The following XIRP2 variants were observed in gnomAD, a reference collection of about 807,000 sequenced individuals.
XIRP2 encodes xin actin binding repeat containing 2.
In XIRP2, 236 loss-of-function variants were observed where a neutral mutation model predicts 277.0. The observed-to-expected ratio is 0.85, with a 90% confidence interval of 0.77 to 0.95. The LOEUF (loss-of-function observed/expected upper bound fraction) is 0.95. XIRP2 is among the 40% of genes least tolerant of loss of function. XIRP2 has a pLI of 0.00. For missense variants in XIRP2, 4,640 were observed against 4,157.5 expected, an observed-to-expected ratio of 1.12 and a Z score of -3.19; for synonymous variants, 1,490 against 1,416.5, an observed-to-expected ratio of 1.05 and a Z score of -1.17.
At chr2:166,979,146 C>A (rs1188625468) in intron 2 of XIRP2, among the ~76,000 whole-genome samples, 1 of 151,988 alleles carries the variant, frequency 6.6e-6, no homozygotes, top group Admixed American at 6.6e-5. Context: ...TTTCATGGAA[C>A]ATGGTTCATA....
At chr2:166,910,943 T>C (rs531428650) in intron 2 of XIRP2, among the ~76,000 whole-genome samples, 3 of 152,378 alleles carry the variant, frequency 2.0e-5, no homozygotes, top group African/African-American at 7.2e-5. Context: ...TTCTTAATCC[T>C]GAGCTCTAGT....
chr2:166,900,308 A>T (rs148889793), intron 1 of XIRP2, among the ~76,000 whole-genome samples: 1 of 151,926 alleles, frequency 6.6e-6, no homozygotes, highest in African/African-American at 2.4e-5. Context: ...TTTCTACCTC[A>T]ATTCTAGAAT....
At chr2:166,961,824 T>G (rs1574117606) in intron 2 of XIRP2, among the ~76,000 whole-genome samples, 1 of 151,886 alleles carries the variant, frequency 6.6e-6, no homozygotes, top group East Asian at 1.9e-4. Flanking sequence ...ACTTTTTTTT[T>G]GGATTTGTTA....
intron 2 of XIRP2, among the ~76,000 whole-genome samples, chr2:167,051,423 G>A (rs781529462): frequency 6.6e-6 from 1 of 152,000 alleles, no homozygotes; most frequent in Non-Finnish European, 1.5e-5. Context: ...GATAGCTAAA[G>A]CAATTAAAAT....
chr2:167,066,147 T>C (rs1689298814), intron 2 of XIRP2, among the ~76,000 whole-genome samples: 1 of 151,950 alleles, frequency 6.6e-6, no homozygotes, highest in Non-Finnish European at 1.5e-5. Context: ...TATTGTAAAG[T>C]ATAGACACTA....
chr2:167,095,923 G>A lies in XIRP2; in HGVS notation c.409-39986G>A, dbSNP rs528444855. 6.9e-5 allele frequency among the ~76,000 whole-genome samples: 9 copies of A among 129,754 alleles called. No homozygotes were observed. In the East Asian group the frequency reaches 2.0e-3, roughly 29 times the overall value. The allele number at this position is 129,754 out of a possible 152,430, so 85.1% of individuals were successfully genotyped here. ...GAGTCTCGCTCTGTTGCCCAGGCTG[G>A]AGTGTAGTGGCATGATCTTGGCTCA... is the stretch of plus-strand genomic sequence containing the variant. On this transcript the variant is annotated intron_variant, in intron 2 of 10. Coordinates refer to ENST00000409195, the MANE Select transcript of XIRP2 (RefSeq NM_152381.6).
intron 3 of XIRP2, among the ~76,000 whole-genome samples, chr2:167,144,185 A>T (rs1179187054): frequency 6.6e-6 from 1 of 152,174 alleles, no homozygotes; most frequent in Non-Finnish European, 1.5e-5. Flanking sequence ...ACAGATAATA[A>T]TAACACATAA....
chr2:166,898,333 G>A (rs540532091), intron 1 of XIRP2, among the ~76,000 whole-genome samples: 9 of 152,106 alleles, frequency 5.9e-5, no homozygotes, highest in Non-Finnish European at 1.3e-4. Flanking sequence ...CAGGTATGTT[G>A]CTGATTCATA....
chr2:166,958,212 C>T (rs1315353532), intron 2 of XIRP2, among the ~76,000 whole-genome samples: 4 of 151,806 alleles, frequency 2.6e-5, no homozygotes, highest in Admixed American at 1.3e-4. Context: ...AGGGGCTAGG[C>T]GCATGCCCAA....
chr2:167,004,207 C>T (rs1232836266), intron 2 of XIRP2, among the ~76,000 whole-genome samples: 3 of 151,762 alleles, frequency 2.0e-5, no homozygotes, highest in African/African-American at 2.4e-5. Flanking sequence ...ATTAAGTGCC[C>T]ATTATGTGCC....
intron 5 of XIRP2, 53 bp from the exon 6 acceptor site, chr2:167,239,800 AAG>A: frequency 6.7e-7 from 1 of 1,493,928 alleles, no homozygotes; most frequent in Non-Finnish European, 9.1e-7. Flanking sequence ...CAAATAAAAA[AAG>A]TTAAAATTTT....
At chr2:167,257,270 T>C (rs918137238) in intron 10 of XIRP2, among the ~76,000 whole-genome samples, 5 of 151,946 alleles carry the variant, frequency 3.3e-5, no homozygotes, top group African/African-American at 1.2e-4. Context: ...CTTCATTTAG[T>C]TGTAAATGTT....
chr2:167,080,187 A>G (rs893430895), intron 2 of XIRP2, among the ~76,000 whole-genome samples: 7 of 152,184 alleles, frequency 4.6e-5, no homozygotes, highest in Non-Finnish European at 8.8e-5. Flanking sequence ...GTTGTTTGCT[A>G]TAATGGTGAT....
At chr2:167,054,016 C>T (rs1688981834) in intron 2 of XIRP2, among the ~76,000 whole-genome samples, 1 of 152,090 alleles carries the variant, frequency 6.6e-6, no homozygotes, top group Non-Finnish European at 1.5e-5. Flanking sequence ...TGTTTCTAAA[C>T]ACATTAGGAA....
In XIRP2 at chr2:167,176,555, C is replaced by G. The variant is rs144030663; in HGVS notation, c.563-34180C>G. Among the ~76,000 whole-genome samples, 19 of 152,248 alleles carry G rather than the reference C, an allele frequency of 1.2e-4. No individual in the cohort carries two copies. In the East Asian group the frequency reaches 3.7e-3, roughly 29 times the overall value. ...GACTGTGTTTTCTTTTATGGTAGGT[C>G]ACGTGTTCTTGCTTCCTTTGGGGCT... is the stretch of plus-strand genomic sequence containing the variant. On this transcript the variant is annotated intron_variant, in intron 3 of 10. Coordinates refer to ENST00000409195, the MANE Select transcript of XIRP2 (RefSeq NM_152381.6).
chr2:167,256,626 C>A (rs185063980), intron 10 of XIRP2, among the ~76,000 whole-genome samples: 4 of 151,850 alleles, frequency 2.6e-5, no homozygotes, highest in Non-Finnish European at 5.9e-5. Context: ...TTATAATGCC[C>A]TTTGCACTTT....
chr2:167,219,872 A>G (rs1307296130), intron 5 of XIRP2, among the ~76,000 whole-genome samples: 2 of 152,210 alleles, frequency 1.3e-5, no homozygotes, highest in Non-Finnish European at 2.9e-5. Context: ...AAATATTTCC[A>G]TATCTGTGAA....
intron 2 of XIRP2, among the ~76,000 whole-genome samples, chr2:166,972,523 A>G (rs1686606399): frequency 6.6e-6 from 1 of 152,136 alleles, no homozygotes; most frequent in Non-Finnish European, 1.5e-5. Flanking sequence ...AAGGAAGAGG[A>G]AAAATGGACC....
chr2:167,239,955 G>A lies in XIRP2; in HGVS notation c.959G>A (p.Gly320Glu), dbSNP rs754640003. Residue 320 changes from glycine (G) to glutamate (E), a missense_variant, in exon 6 of 11, where the codon GGA becomes GAA. Physicochemically the swap from Gly to Glu is moderately conservative, Grantham distance 98. Coordinates refer to ENST00000409195, the MANE Select transcript of XIRP2 (RefSeq NM_152381.6). ...AAAGTACAGAAAATTGATGTTCATGGAACAGAAATGGTAACTATTTAGAAA... is the reference window on the plus strand; with the variant it reads ...AAAGTACAGAAAATTGATGTTCATGAAACAGAAATGGTAACTATTTAGAAA... ...GSKVQKIDVH[G>E]TEMVSHLEKH... The A allele has an allele frequency of 1.3e-6, 2 of 1,595,048 alleles. No homozygotes were observed. Among genetic ancestry groups the A allele is most frequent in the South Asian group, 1.2e-5 (1 of 86,536 alleles).
Sources: gnomAD v4.1 joint callset for allele counts (sites outside exome capture counted in the v4.1 genomes callset) on GRCh38, gnomAD v4.1.1 for gene constraint, MANE v1.5 for transcripts, NCBI Gene and HGNC (gene_info 2026-07-23, HGNC 2026-07-21) for gene names.